WDFY3: variants seen among roughly 807,000 people sequenced by gnomAD.
WDFY3 encodes WD repeat and FYVE domain-containing protein 3.
In WDFY3, 66 loss-of-function variants were observed where a neutral mutation model predicts 409.6. The observed-to-expected ratio is 0.16, with a 90% CI of 0.13 to 0.20. The LOEUF is 0.20. WDFY3 is among the 10% of genes least tolerant of loss of function. The pLI is 1.00. For synonymous variants in WDFY3, 1,521 were observed against 1,537.1 expected (o/e 0.99, Z 0.25); for missense variants, 3,031 against 4,298.1 (o/e 0.71, Z 8.24).
chr4:84,773,025 CA>C (rs1744933359), intron 29 of WDFY3, 96 bp from the exon 30 acceptor site: 1 of 913,410 alleles, frequency 1.1e-6, no homozygotes, highest in Non-Finnish European at 1.6e-6. Flanking sequence ...GAATAAAAAC[CA>C]AAACAGTACT....
At chr4:84,934,775 T>A (rs965551127) in intron 1 of WDFY3, among the ~76,000 whole-genome samples, 4 of 152,106 alleles carry the variant, frequency 2.6e-5, no homozygotes, top group Non-Finnish European at 5.9e-5. Context: ...TTGGTATTGT[T>A]CTACTAATTT....
chr4:84,858,452 A>G (rs1478092149), intron 4 of WDFY3, among the ~76,000 whole-genome samples: 1 of 152,198 alleles, frequency 6.6e-6, no homozygotes. Context: ...GTAAAACAAC[A>G]AAGAATTCAA....
chr4:84,768,747 T>C (rs1274399017), intron 30 of WDFY3, among the ~76,000 whole-genome samples: 1 of 152,220 alleles, frequency 6.6e-6, no homozygotes. Flanking sequence ...CTGTAGCCCA[T>C]GAATCAAGGA....
rs766455892 is a variant in WDFY3 at position 84,753,890 on chromosome 4, A to G, written c.5560-14T>C. 27 of 1,563,858 alleles carry G rather than the reference A, an allele frequency of 1.7e-5. No homozygotes were observed. The highest frequency in any genetic ancestry group is 2.2e-5 in the Non-Finnish European group (25 of 1,159,372). Reference sequence around the variant, plus strand: ...TGATTGCCAAGGCTGTTATGGGGACATGAGAGGAAACACTATGTTACAGTT... The same window carrying G: ...TGATTGCCAAGGCTGTTATGGGGACGTGAGAGGAAACACTATGTTACAGTT... On this transcript the variant is annotated splice_polypyrimidine_tract_variant and intron_variant, in intron 34 of 67. Transcript: ENST00000295888.
intron 7 of WDFY3, among the ~76,000 whole-genome samples, chr4:84,834,483 C>T (rs1012667103): frequency 6.8e-5 from 10 of 147,052 alleles, no homozygotes; most frequent in African/African-American, 2.5e-4. Flanking sequence ...CTCATCTCTA[C>T]TAAAAACAAA....
chr4:84,894,832 T>G (rs1275716244), intron 3 of WDFY3, among the ~76,000 whole-genome samples: 1 of 151,022 alleles, frequency 6.6e-6, no homozygotes, highest in Non-Finnish European at 1.5e-5. Context: ...CACCTGTAAT[T>G]CCAGTTATTC....
chr4:84,818,431 T>C (rs1478025113), intron 12 of WDFY3, among the ~76,000 whole-genome samples: 1 of 152,194 alleles, frequency 6.6e-6, no homozygotes, highest in African/African-American at 2.4e-5. Flanking sequence ...CTTACTATTA[T>C]TGCTTATGTT....
chr4:84,826,052 G>C (rs1284579759), intron 10 of WDFY3, among the ~76,000 whole-genome samples: 1 of 152,034 alleles, frequency 6.6e-6, no homozygotes, highest in East Asian at 1.9e-4. Flanking sequence ...TCCGTACATA[G>C]ATTTTGCTTA....
At chr4:84,926,317 AGTG>A (rs1368527998) in intron 2 of WDFY3, among the ~76,000 whole-genome samples, 2 of 151,786 alleles carry the variant, frequency 1.3e-5, no homozygotes, top group African/African-American at 4.8e-5. Context: ...CAGAAGATAA[AGTG>A]GTGATTAAAA....
At chr4:84,758,208 C>T (rs1006529590) in intron 32 of WDFY3, among the ~76,000 whole-genome samples, 1 of 152,132 alleles carries the variant, frequency 6.6e-6, no homozygotes, top group African/African-American at 2.4e-5. Flanking sequence ...GAACTGATTT[C>T]GGTCTGAAGC....
At position 84,821,797 on chromosome 4, in the gene WDFY3, G is replaced by A. The variant is rs573845696; in HGVS notation, c.1124-246C>T. Among the ~76,000 whole-genome samples the A allele has an allele frequency of 5.9e-5, 9 of 152,274 alleles. No homozygotes were observed. The South Asian group carries it at 1.9e-3, about 32-fold the overall frequency. ...ATTCAAAAATAGTGTATGTTGAAAA[G>A]TTAGACTGTTTTAGAGGGAATAAAA... On this transcript the variant is annotated intron_variant, in intron 10 of 67. Coordinates refer to ENST00000295888, the MANE Select transcript of WDFY3 (RefSeq NM_014991.6).
intron 3 of WDFY3, among the ~76,000 whole-genome samples, chr4:84,881,992 G>A (rs1398304525): frequency 6.6e-6 from 1 of 152,134 alleles, no homozygotes; most frequent in Non-Finnish European, 1.5e-5. Context: ...AAGGACATGA[G>A]AAACATTATC....
chr4:84,762,266 T>C (rs1294888541), intron 32 of WDFY3, among the ~76,000 whole-genome samples: 1 of 151,780 alleles, frequency 6.6e-6, no homozygotes, highest in African/African-American at 2.4e-5. Context: ...ATATACACCA[T>C]AGAATACTAT....
chr4:84,836,424 T>C (rs1302370646), intron 7 of WDFY3, among the ~76,000 whole-genome samples: 3 of 152,162 alleles, frequency 2.0e-5, no homozygotes, highest in African/African-American at 7.2e-5. Flanking sequence ...CACACATTTG[T>C]TAACCCACAA....
intron 58 of WDFY3, among the ~76,000 whole-genome samples, chr4:84,693,408 C>A (rs900803426): frequency 6.6e-6 from 1 of 152,138 alleles, no homozygotes. Flanking sequence ...CAGGCAGACA[C>A]TCTATCTAGT....
At chr4:84,819,200 G>A (rs1438194495) in intron 12 of WDFY3, among the ~76,000 whole-genome samples, 1 of 151,836 alleles carries the variant, frequency 6.6e-6, no homozygotes, top group East Asian at 1.9e-4. Flanking sequence ...AATTCCCAGG[G>A]AGCAAGAATG....
chr4:84,829,610 T>C (rs1755368728), intron 8 of WDFY3, among the ~76,000 whole-genome samples: 1 of 151,802 alleles, frequency 6.6e-6, no homozygotes, highest in Admixed American at 6.6e-5. Flanking sequence ...AGAGAATATA[T>C]AGCCTGGCTA....
chr4:84,744,718 T>C (rs942314032), intron 36 of WDFY3, among the ~76,000 whole-genome samples: 7 of 149,294 alleles, frequency 4.7e-5, no homozygotes, highest in African/African-American at 7.4e-5. Context: ...CCGGGCGTAG[T>C]GGCGGGCGCC....
At chr4:84,923,692 C>G (rs541407318) in intron 2 of WDFY3, among the ~76,000 whole-genome samples, 18 of 152,166 alleles carry the variant, frequency 1.2e-4, no homozygotes, top group African/African-American at 4.3e-4. Context: ...TACACCATGC[C>G]CCAAGCATGA....
Sources: allele counts gnomAD v4.1 joint callset (sites outside exome capture counted in the v4.1 genomes callset), GRCh38; gene constraint gnomAD v4.1.1; transcripts MANE v1.5; gene names NCBI Gene and HGNC (gene_info 2026-07-23, HGNC 2026-07-21).